The following ARHGEF7 variants were observed in gnomAD, a reference collection of about 807,000 sequenced individuals.
ARHGEF7 encodes Rho guanine nucleotide exchange factor 7, also known as PAK-interacting exchange factor beta.
ARHGEF7 carries 33 observed loss-of-function variants against 109.8 expected under a neutral mutation model. That is an observed-to-expected ratio of 0.30 (90% CI 0.23 to 0.40). The LOEUF (loss-of-function observed/expected upper bound fraction) is 0.40, where lower values mean the gene tolerates loss of function less well. Among genes scored for constraint, ARHGEF7 ranks in the 10% least tolerant of loss-of-function variants. The probability of loss-of-function intolerance (pLI) is 1.00; values close to 1 mark genes in which losing one functional copy is unlikely to be tolerated. For synonymous variants in ARHGEF7, 458 were observed against 424.6 expected, an observed-to-expected ratio of 1.08 and a Z score of -0.97; for missense variants, 938 against 1,098.5, an observed-to-expected ratio of 0.85 and a Z score of 2.07.
Position 111,244,220 on chromosome 13 carries a change from A to G in ARHGEF7, c.876A>G (p.Ser292=). The G allele has an allele frequency of 6.2e-7, 1 of 1,608,354 alleles. No homozygotes were observed. The highest frequency in any genetic ancestry group is 8.5e-7 in the Non-Finnish European group (1 of 1,177,100). The change falls in exon 8 of 22, where the codon TCA becomes TCG. Residue 292 remains serine, a synonymous_variant. Transcript: ENST00000646102. ...TSEKLSSANI[S]YLMGNLEEIC... ...CTAGGTTAAGTTCAGCAAACATTTC[A>G]TATTTAATGGGAAATCTAGAAGAAA...
chr13:111,245,275 C>G (rs1168227733), intron 8 of ARHGEF7, among the ~76,000 whole-genome samples: 1 of 151,954 alleles, frequency 6.6e-6, no homozygotes, highest in Non-Finnish European at 1.5e-5. Flanking sequence ...TTTTTTGGTG[C>G]AAGTTTGGCT....
intron 13 of ARHGEF7, among the ~76,000 whole-genome samples, chr13:111,278,095 CAG>C (rs1380596926): frequency 6.6e-6 from 1 of 152,212 alleles, no homozygotes; most frequent in Non-Finnish European, 1.5e-5. Flanking sequence ...CATCAGCAAA[CAG>C]AAAGTGATGT....
chr13:111,287,980 T>C (rs147314969), intron 17 of ARHGEF7, among the ~76,000 whole-genome samples: 2,551 of 152,362 alleles, frequency 0.017, 39 homozygotes, highest in Middle Eastern at 0.075. Context: ...TTTCATTTCT[T>C]GTTTTAGCGA....
chr13:111,261,060 A>T lies in ARHGEF7; in HGVS notation c.951-6488A>T, dbSNP rs116019306. On this transcript the variant is annotated intron_variant, in intron 8 of 21. Coordinates refer to ENST00000646102, the MANE Select transcript of ARHGEF7 (RefSeq NM_001354046.2). ...GAATCACCTTTACTAAAAGGAAGAC[A>T]GGAAGGAAAAAAGGAAGAGAAGATT... Among the ~76,000 whole-genome samples the T allele has an allele frequency of 9.3e-3, 1,411 of 152,326 alleles. 21 individuals carry two copies. Among genetic ancestry groups the T allele is most frequent in the African/African-American group, 0.032 (1,331 of 41,574 alleles).
intron 8 of ARHGEF7, among the ~76,000 whole-genome samples, chr13:111,262,033 C>T (rs372181777): frequency 6.6e-6 from 1 of 152,068 alleles, no homozygotes; most frequent in East Asian, 1.9e-4. Flanking sequence ...AAATAAACAA[C>T]CTTAATGATG....
chr13:111,246,373 G>A (rs925147019), intron 8 of ARHGEF7, among the ~76,000 whole-genome samples: 1 of 152,142 alleles, frequency 6.6e-6, no homozygotes, highest in East Asian at 1.9e-4. Context: ...TTTTGAACGT[G>A]GTGAGGGAGT....
At chr13:111,214,266 AT>A (rs1303917974) in intron 4 of ARHGEF7, among the ~76,000 whole-genome samples, 1 of 152,158 alleles carries the variant, frequency 6.6e-6, no homozygotes, top group African/African-American at 2.4e-5. Flanking sequence ...ATCATACCTC[AT>A]CTCCCCTCTG....
chr13:111,266,374 G>A lies in ARHGEF7; in HGVS notation c.951-1174G>A, dbSNP rs188197973. On this transcript the variant is annotated intron_variant, in intron 8 of 21. Coordinates refer to ENST00000646102, the MANE Select transcript of ARHGEF7 (RefSeq NM_001354046.2). The surrounding 1 kb of genome is among the most constrained non-coding windows in gnomAD (Gnocchi z 4.8). ...TGGGGCCTCGGTCTTCTTTTGGCCTGTGTCGACGCTCGTGGACACCTTCGC... is the reference window on the plus strand; with the variant it reads ...TGGGGCCTCGGTCTTCTTTTGGCCTATGTCGACGCTCGTGGACACCTTCGC... 1.3e-5 allele frequency among the ~76,000 whole-genome samples: 2 copies of A among 152,174 alleles called. No individual in the cohort carries two copies. The highest frequency in any genetic ancestry group is 6.5e-5 in the Admixed American group (1 of 15,296).
chr13:111,189,177 C>G (rs957458318), intron 2 of ARHGEF7, among the ~76,000 whole-genome samples: 1 of 152,208 alleles, frequency 6.6e-6, no homozygotes, highest in Non-Finnish European at 1.5e-5. Flanking sequence ...TGCTTTCTTT[C>G]AGCTTGGAGC....
rs551077031 is a variant in ARHGEF7 at position 111,259,603 on chromosome 13, C to T, written c.951-7945C>T. 2.6e-5 allele frequency among the ~76,000 whole-genome samples: 4 copies of T among 152,272 alleles called. No homozygotes were observed. In the South Asian group the frequency reaches 8.3e-4, roughly 32 times the overall value. On this transcript the variant is annotated intron_variant, in intron 8 of 21. Transcript: ENST00000646102. ...GCAGTGAGACCAAAAACTTAAATTG[C>T]AACACCCAAGTCCCTTTGAATACTG...
chr13:111,232,602 A>T (rs2086243412), intron 5 of ARHGEF7, among the ~76,000 whole-genome samples: 1 of 152,214 alleles, frequency 6.6e-6, no homozygotes, highest in Non-Finnish European at 1.5e-5. Context: ...GTTTTAAAAC[A>T]TCAGAATCCT....
At chr13:111,220,219 G>A (rs962814665) in intron 5 of ARHGEF7, among the ~76,000 whole-genome samples, 1 of 152,232 alleles carries the variant, frequency 6.6e-6, no homozygotes, top group African/African-American at 2.4e-5. Context: ...GAGGACACTT[G>A]AGCCAGGGCA....
intron 1 of ARHGEF7, among the ~76,000 whole-genome samples, chr13:111,133,813 A>AG (rs2074946048): frequency 2.9e-5 from 2 of 69,974 alleles, no homozygotes; most frequent in South Asian, 5.5e-4. Flanking sequence ...ATATATATAT[A>AG]TTTATTATAC....
Position 111,132,881 on chromosome 13 carries a change from G to A in ARHGEF7, c.165+17190G>A, listed in dbSNP as rs145474350. Among the ~76,000 whole-genome samples the A allele has an allele frequency of 5.2e-3, 792 of 151,624 alleles. 8 individuals are homozygous for A. Among genetic ancestry groups the A allele is most frequent in the African/African-American group, 0.018 (732 of 41,336 alleles). ...AGAGTGTTATTGGGAGTAGGGGTAG[G>A]GATATTGAGGGAAGGGAGAATGATA... On this transcript the variant is annotated intron_variant, in intron 1 of 21. Transcript: ENST00000646102.
chr13:111,290,992 A>G (rs1470800093), intron 18 of ARHGEF7, among the ~76,000 whole-genome samples: 2 of 152,268 alleles, frequency 1.3e-5, no homozygotes, highest in East Asian at 1.9e-4. Context: ...GCTCTGTTCA[A>G]TACACACATT....
chr13:111,270,261 T>A (rs1323673233), intron 9 of ARHGEF7, among the ~76,000 whole-genome samples: 2 of 152,240 alleles, frequency 1.3e-5, no homozygotes, highest in Non-Finnish European at 2.9e-5. Flanking sequence ...CATGCTTGCA[T>A]GTGTTTTGTG....
At chr13:111,176,855 C>A (rs771311949) in intron 2 of ARHGEF7, among the ~76,000 whole-genome samples, 8 of 152,250 alleles carry the variant, frequency 5.3e-5, no homozygotes, top group Non-Finnish European at 1.2e-4. Context: ...CTCCCGGATT[C>A]AAGCGATTCT....
In ARHGEF7 at chr13:111,178,447, G is replaced by A. The variant is rs199794877; in HGVS notation, c.252+24456G>A. Among the ~76,000 whole-genome samples, 8 of 152,324 alleles carry A rather than the reference G, an allele frequency of 5.3e-5. No individual in the cohort carries two copies. In the East Asian group the frequency reaches 1.3e-3, roughly 26 times the overall value. Reference sequence around the variant, plus strand: ...CTGTGATAGTTTAGAGAAAGGGAGTGGTCTTCAGTTCAGAGGTGATACAGT... The same window carrying A: ...CTGTGATAGTTTAGAGAAAGGGAGTAGTCTTCAGTTCAGAGGTGATACAGT... On this transcript the variant is annotated intron_variant, in intron 2 of 21. Coordinates refer to ENST00000646102, the MANE Select transcript of ARHGEF7 (RefSeq NM_001354046.2).
chr13:111,206,464 C>G (rs2081875045), intron 3 of ARHGEF7, among the ~76,000 whole-genome samples: 2 of 152,100 alleles, frequency 1.3e-5, no homozygotes, highest in Non-Finnish European at 2.9e-5. Context: ...CAGGGGCAGA[C>G]CCCAGGCAGA....
Sources: gnomAD v4.1 joint callset for allele counts (sites outside exome capture counted in the v4.1 genomes callset) on GRCh38, gnomAD v4.1.1 for gene constraint, Gnocchi (gnomAD v3.1) non-coding constraint, MANE v1.5 for transcripts, NCBI Gene and HGNC (gene_info 2026-07-23, HGNC 2026-07-21) for gene names.